The following SLC49A4 variants were observed in gnomAD, a reference collection of about 807,000 sequenced individuals.
The protein encoded by SLC49A4 is solute carrier family 49 member 4.
Under a neutral mutation model 50.6 loss-of-function variants are expected in SLC49A4, and 36 were observed. That is an observed-to-expected ratio of 0.71 (90% CI 0.55 to 0.94). SLC49A4 has a LOEUF of 0.94. Ranked by LOEUF, SLC49A4 falls within the 40% of genes least tolerant of loss-of-function variation. SLC49A4 has a pLI of 0.00. For missense variants in SLC49A4, 503 were observed against 605.7 expected (o/e 0.83, Z 1.78); for synonymous variants, 248 against 241.2 (o/e 1.03, Z -0.26).
intron 1 of SLC49A4, among the ~76,000 whole-genome samples, chr3:122,802,893 A>G (rs2107555293): frequency 6.6e-6 from 1 of 152,302 alleles, no homozygotes; most frequent in East Asian, 1.9e-4. Flanking sequence ...AAACCGATCA[A>G]ACAAAAAACA....
intron 1 of SLC49A4, among the ~76,000 whole-genome samples, chr3:122,804,718 C>G (rs963403830): frequency 6.6e-6 from 1 of 152,230 alleles, no homozygotes. Context: ...CTCCTGGCTT[C>G]AAGGGATCCT....
At chr3:122,843,116 A>G (rs1936795706) in intron 4 of SLC49A4, among the ~76,000 whole-genome samples, 1 of 152,072 alleles carries the variant, frequency 6.6e-6, no homozygotes, top group Non-Finnish European at 1.5e-5. Context: ...CTTTTGCAGT[A>G]TGTGTACTGT....
At chr3:122,832,041 T>G (rs1263057871) in intron 3 of SLC49A4, among the ~76,000 whole-genome samples, 1 of 152,162 alleles carries the variant, frequency 6.6e-6, no homozygotes, top group Non-Finnish European at 1.5e-5. Flanking sequence ...TTTAAATTTC[T>G]AACTGAATTA....
At chr3:122,842,844 G>T (rs774274411) in intron 4 of SLC49A4, among the ~76,000 whole-genome samples, 25 of 152,124 alleles carry the variant, frequency 1.6e-4, no homozygotes, top group Non-Finnish European at 3.4e-4. Flanking sequence ...TACTCTGCAT[G>T]AATGCCAGCT....
intron 4 of SLC49A4, among the ~76,000 whole-genome samples, chr3:122,841,479 C>T (rs1322924685): frequency 2.6e-5 from 4 of 152,236 alleles, no homozygotes; most frequent in Non-Finnish European, 5.9e-5. Context: ...CATGCCCCAG[C>T]ATGCACACTA....
At chr3:122,837,362 G>A (rs1482505997) in intron 4 of SLC49A4, among the ~76,000 whole-genome samples, 1 of 152,038 alleles carries the variant, frequency 6.6e-6, no homozygotes, top group Admixed American at 6.6e-5. Flanking sequence ...ACCAAACAGA[G>A]ATATAGACCA....
chr3:122,795,560 C>G (rs775871534), intron 1 of SLC49A4, 25 bp downstream of exon 1: 9 of 1,568,826 alleles, frequency 5.7e-6, no homozygotes, highest in Non-Finnish European at 6.8e-6. Flanking sequence ...AGCGCCAGCC[C>G]GCGCTGTCTC....
intron 5 of SLC49A4, among the ~76,000 whole-genome samples, chr3:122,853,633 G>A (rs945119277): frequency 1.1e-4 from 16 of 152,126 alleles, no homozygotes; most frequent in East Asian, 9.6e-4. Flanking sequence ...GGTAGCACAC[G>A]CCTGTAATCC....
chr3:122,841,349 A>G (rs1438059918), intron 4 of SLC49A4, among the ~76,000 whole-genome samples: 1 of 152,208 alleles, frequency 6.6e-6, no homozygotes, highest in Admixed American at 6.5e-5. Context: ...TCTACAGGAA[A>G]TATTCAAATA....
At chr3:122,814,902 G>A (rs1936343743) in intron 2 of SLC49A4, among the ~76,000 whole-genome samples, 1 of 152,046 alleles carries the variant, frequency 6.6e-6, no homozygotes, top group African/African-American at 2.4e-5. Context: ...CAAAAGATTG[G>A]ACACCCCTGG....
At chr3:122,833,179 T>G (rs1936629929) in intron 3 of SLC49A4, 138 bp from the exon 4 acceptor site, 1 of 773,910 alleles carries the variant, frequency 1.3e-6, no homozygotes, top group Non-Finnish European at 2.1e-6. Context: ...AGGTCAAGTC[T>G]GTAGTGAGCC....
intron 5 of SLC49A4, among the ~76,000 whole-genome samples, chr3:122,846,426 T>G (rs1936854040): frequency 1.3e-5 from 2 of 152,108 alleles, no homozygotes; most frequent in Non-Finnish European, 2.9e-5. Context: ...AAAAAAAATT[T>G]GTCTATTCTG....
In SLC49A4 at chr3:122,833,420, T is replaced by C. The variant is rs1936634418; in HGVS notation, c.807T>C (p.Tyr269=). 1 of 1,613,654 alleles carries C rather than the reference T, an allele frequency of 6.2e-7. No homozygotes were observed. The highest frequency in any genetic ancestry group is 1.3e-5 in the African/African-American group (1 of 75,004). ...SVAAASQRLS[Y]RRSVCRLLSN... is the part of the protein sequence containing the mutation. ...CTGCAGCTAGCCAGCGGCTGAGTTA[T>C]CGGAGAAGCGTTTGTAGATTATTAA... The change falls in exon 4 of 9, where the codon TAT becomes TAC. Residue 269 remains tyrosine, a synonymous_variant. Transcript: ENST00000261038.
intron 5 of SLC49A4, 69 bp from the exon 6 acceptor site, chr3:122,856,237 CT>C (rs1298419469): frequency 2.8e-5 from 42 of 1,517,966 alleles, no homozygotes; most frequent in Non-Finnish European, 3.4e-5. Context: ...TTATAGAGGA[CT>C]TTTTTTCATT....
chr3:122,839,890 T>A (rs145374373), intron 4 of SLC49A4, among the ~76,000 whole-genome samples: 55 of 152,240 alleles, frequency 3.6e-4, no homozygotes, highest in African/African-American at 1.1e-3. Flanking sequence ...ACTACTGGTG[T>A]CTACCCAAAG....
chr3:122,829,732 A>T, intron 3 of SLC49A4, among the ~76,000 whole-genome samples: 2 of 152,100 alleles, frequency 1.3e-5, no homozygotes, highest in Non-Finnish European at 2.9e-5. Flanking sequence ...AGCCTGGGTG[A>T]CAAACAAACA....
chr3:122,795,122 T>A lies in SLC49A4; in HGVS notation c.-71T>A. 7.9e-7 allele frequency: 1 copy of A among 1,264,840 alleles called. No individual in the cohort carries two copies. Among genetic ancestry groups the A allele is most frequent in the Non-Finnish European group, 9.9e-7 (1 of 1,010,844 alleles). The allele number at this position is 1,264,840 out of a possible 1,614,324, so 78.4% of individuals were successfully genotyped here. ...GCCTCCGCCTCCTGCTGCTCAGGAC[T>A]ATTCTGCGCTGGGCTAGTCGGCGGT... On this transcript the variant is annotated 5_prime_UTR_variant, in exon 1 of 9. Transcript: ENST00000261038.
At chr3:122,808,186 A>G (rs1377383739) in intron 2 of SLC49A4, among the ~76,000 whole-genome samples, 1 of 152,242 alleles carries the variant, frequency 6.6e-6, no homozygotes, top group African/African-American at 2.4e-5. Flanking sequence ...TATATTACAT[A>G]GTACATAGTA....
chr3:122,869,858 G>T (rs902214257), intron 7 of SLC49A4, among the ~76,000 whole-genome samples: 3 of 152,160 alleles, frequency 2.0e-5, no homozygotes, highest in Non-Finnish European at 2.9e-5. Flanking sequence ...CAGACAGCCC[G>T]CTGCTTCCCC....
Sources: allele counts gnomAD v4.1 joint callset (sites outside exome capture counted in the v4.1 genomes callset), GRCh38; gene constraint gnomAD v4.1.1; transcripts MANE v1.5; gene names NCBI Gene and HGNC (gene_info 2026-07-23, HGNC 2026-07-21).